Variants in ZDHHC7 observed in about 807,000 individuals in gnomAD.
ZDHHC7 encodes the protein zDHHC palmitoyltransferase 7.
Under a neutral mutation model 34.1 loss-of-function variants are expected in ZDHHC7, and 12 were observed. The observed-to-expected ratio is 0.35, with a 90% confidence interval of 0.23 to 0.57. ZDHHC7 has a LOEUF of 0.57. Among genes scored for constraint, ZDHHC7 ranks in the 20% least tolerant of loss-of-function variants. The pLI, the probability that ZDHHC7 is intolerant of heterozygous loss-of-function variation, is 0.84. For synonymous variants in ZDHHC7, 185 were observed against 155.4 expected (o/e 1.19, Z -1.42); for missense variants, 388 against 402.7 (o/e 0.96, Z 0.31).
intron 3 of ZDHHC7, among the ~76,000 whole-genome samples, chr16:84,985,531 A>C (rs2072425131): frequency 6.6e-6 from 1 of 152,248 alleles, no homozygotes; most frequent in Non-Finnish European, 1.5e-5. Flanking sequence ...TCTTCAACTT[A>C]AACCCCAAGG....
At chr16:85,001,479 A>AAAAAAAAAAAAAAAAAAAAAAAAAG (rs2072652462) in intron 1 of ZDHHC7, among the ~76,000 whole-genome samples, 1 of 151,464 alleles carries the variant, frequency 6.6e-6, no homozygotes, top group Non-Finnish European at 1.5e-5. Flanking sequence ...TCAAAAAAAA[A>AAAAAAAAAAAAAAAAAAAAAAAAAG]AAAAATTAAG....
chr16:84,990,089 C>T (rs896442255), intron 3 of ZDHHC7, among the ~76,000 whole-genome samples: 6 of 152,172 alleles, frequency 3.9e-5, no homozygotes, highest in African/African-American at 1.4e-4. Context: ...GCCTGCAAGG[C>T]GTCAGGAACT....
chr16:84,979,343 C>T (rs1899761062), intron 4 of ZDHHC7, 58 bp from the exon 5 acceptor site: 13 of 1,565,290 alleles, frequency 8.3e-6, no homozygotes, highest in East Asian at 2.3e-5. Flanking sequence ...CAGAGTAACA[C>T]AACCAAATAA....
chr16:85,019,322 T>G, the ZDHHC7 span, among the ~76,000 whole-genome samples: 2 of 152,208 alleles, frequency 1.3e-5, no homozygotes, highest in African/African-American at 4.8e-5. Flanking sequence ...TTTGTTGGTG[T>G]TGTTCACTGT....
the ZDHHC7 span, among the ~76,000 whole-genome samples, chr16:85,024,289 T>C: frequency 3.8e-4 from 54 of 141,328 alleles, no homozygotes; most frequent in Non-Finnish European, 2.0e-4. Context: ...TAGAGTGCAA[T>C]GGCACGATCT....
intron 1 of ZDHHC7, among the ~76,000 whole-genome samples, chr16:85,005,678 A>G (rs1325420598): frequency 3.9e-5 from 6 of 152,260 alleles, no homozygotes; most frequent in Non-Finnish European, 7.3e-5. Flanking sequence ...TAAGAATTCA[A>G]AACATTTCAG....
intron 5 of ZDHHC7, among the ~76,000 whole-genome samples, chr16:84,978,825 G>A (rs1471156629): frequency 7.0e-6 from 1 of 143,098 alleles, no homozygotes; most frequent in Admixed American, 7.4e-5. Context: ...TCACACCACT[G>A]CACTCCAGCC....
In ZDHHC7 at chr16:84,982,824, T is replaced by C. The variant is rs570029014; in HGVS notation, c.316-830A>G. Among the ~76,000 whole-genome samples, 34 of 152,264 alleles carry C rather than the reference T, an allele frequency of 2.2e-4. No individual in the cohort carries two copies. The South Asian group carries it at 6.0e-3, about 27-fold the overall frequency. ...TAGAGGAGCTGGAGAAGATGAGCAA[T>C]GGCGAAGCAGCGGAAAGAGGAGTTG... On this transcript the variant is annotated intron_variant, in intron 3 of 7. Transcript: ENST00000313732.
intron 5 of ZDHHC7, among the ~76,000 whole-genome samples, chr16:84,978,761 C>T (rs2072330338): frequency 6.6e-6 from 1 of 150,986 alleles, no homozygotes; most frequent in Non-Finnish European, 1.5e-5. Flanking sequence ...ACTTGGGAGG[C>T]TGAAGCAAGA....
intron 1 of ZDHHC7, among the ~76,000 whole-genome samples, chr16:85,001,331 C>A (rs1313612828): frequency 6.6e-6 from 1 of 151,996 alleles, no homozygotes; most frequent in Admixed American, 6.6e-5. Flanking sequence ...ATTAGCCAGG[C>A]ATGGTGGCCA....
chr16:85,021,748 C>CG, the ZDHHC7 span, among the ~76,000 whole-genome samples: 1 of 141,786 alleles, frequency 7.1e-6, no homozygotes, highest in Admixed American at 7.3e-5. Context: ...AGAAAGAGAA[C>CG]AAGAGAGAGA....
At chr16:84,997,455 T>G (rs1429758120) in intron 1 of ZDHHC7, among the ~76,000 whole-genome samples, 1 of 150,882 alleles carries the variant, frequency 6.6e-6, no homozygotes, top group African/African-American at 2.4e-5. Flanking sequence ...GTATTTTTAG[T>G]AGAGACGTGG....
chr16:84,998,722 A>G (rs1381841158), intron 1 of ZDHHC7, among the ~76,000 whole-genome samples: 3 of 146,120 alleles, frequency 2.1e-5, no homozygotes, highest in Admixed American at 6.9e-5. Flanking sequence ...TCCCCAACAG[A>G]GCTCCAGCTC....
chr16:85,026,223 G>A, the ZDHHC7 span, among the ~76,000 whole-genome samples: 11 of 152,314 alleles, frequency 7.2e-5, no homozygotes, highest in African/African-American at 2.4e-4. Flanking sequence ...CTGACCCAGG[G>A]AAGGAGTTTA....
the ZDHHC7 span, among the ~76,000 whole-genome samples, chr16:85,016,582 G>C: frequency 1.3e-5 from 2 of 151,376 alleles, no homozygotes; most frequent in Non-Finnish European, 2.9e-5. Context: ...AGCCTCCCAA[G>C]TAGCTGAGAT....
intron 1 of ZDHHC7, among the ~76,000 whole-genome samples, chr16:84,997,725 T>C (rs1340537617): frequency 1.4e-5 from 2 of 147,762 alleles, no homozygotes; most frequent in African/African-American, 2.5e-5. Context: ...AAACCCCGTC[T>C]CTACTAAAAA....
chr16:85,017,674 A>G, the ZDHHC7 span, among the ~76,000 whole-genome samples: 1 of 152,226 alleles, frequency 6.6e-6, no homozygotes, highest in Non-Finnish European at 1.5e-5. Context: ...AATATAATTG[A>G]TACCCGTGGG....
chr16:84,977,243 T>G lies in ZDHHC7; in HGVS notation c.620-18A>C, dbSNP rs1252818764. On this transcript the variant is annotated intron_variant, in intron 6 of 7. Transcript: ENST00000313732. ...ACTGCATTCTGCGGACAAGAGGAAGTTGGTTATAACTGGTCCTGAATACCC... is the reference window on the plus strand; with the variant it reads ...ACTGCATTCTGCGGACAAGAGGAAGGTGGTTATAACTGGTCCTGAATACCC... The G allele has an allele frequency of 1.9e-6, 3 of 1,613,784 alleles. No homozygotes were observed. The African/African-American group carries it at 4.0e-5, about 22-fold the overall frequency.
chr16:85,021,131 G>T, the ZDHHC7 span, among the ~76,000 whole-genome samples: 1 of 151,500 alleles, frequency 6.6e-6, no homozygotes, highest in South Asian at 2.1e-4. Flanking sequence ...TTAAAAAAGG[G>T]GGGGGTGCAC....
Sources: gnomAD v4.1 joint callset for allele counts (sites outside exome capture counted in the v4.1 genomes callset) on GRCh38, gnomAD v4.1.1 for gene constraint, MANE v1.5 for transcripts, NCBI Gene and HGNC (gene_info 2026-07-23, HGNC 2026-07-21) for gene names.